ITGB6: variants seen among roughly 807,000 people sequenced by gnomAD.
The protein encoded by ITGB6 is integrin subunit beta 6.
Under a neutral mutation model 84.5 loss-of-function variants are expected in ITGB6, and 80 were observed. The observed-to-expected ratio is 0.95, with a 90% CI of 0.79 to 1.14. The LOEUF (loss-of-function observed/expected upper bound fraction) is 1.14, where lower values mean the gene tolerates loss of function less well. Ranked by LOEUF, ITGB6 falls within the 50% of genes most tolerant of loss-of-function variation. The pLI is 0.00. For missense variants in ITGB6, 1,006 were observed against 968.0 expected, an observed-to-expected ratio of 1.04 and a Z score of -0.52; for synonymous variants, 383 against 354.9, an observed-to-expected ratio of 1.08 and a Z score of -0.89.
chr2:160,125,844 A>C (rs1683216606), intron 11 of ITGB6, among the ~76,000 whole-genome samples: 1 of 152,194 alleles, frequency 6.6e-6, no homozygotes, highest in Admixed American at 6.5e-5. Context: ...TATAATGGCA[A>C]CCAAAGAAAG....
chr2:160,156,495 G>A (rs1684628267), intron 7 of ITGB6, among the ~76,000 whole-genome samples: 1 of 152,160 alleles, frequency 6.6e-6, no homozygotes, highest in Admixed American at 6.5e-5. Flanking sequence ...GAATGCATGG[G>A]GGAGTGGACC....
intron 7 of ITGB6, among the ~76,000 whole-genome samples, chr2:160,156,670 T>TTATTTAGGTACCATCATTATTC (rs1684634398): frequency 6.6e-6 from 1 of 152,196 alleles, no homozygotes; most frequent in African/African-American, 2.4e-5. Flanking sequence ...AGAAGTTCTA[T>TTATTTAGGTACCATCATTATTC]TATTTAGGTA....
chr2:160,123,902 C>G lies in ITGB6; in HGVS notation c.1884-14G>C, dbSNP rs1461595826. Reference sequence around the variant, plus strand: ...TCAATGCAGCTCCTGTGGACAGTATCCAACAGTGTATCAGTTCATGCTGGT... The same window carrying G: ...TCAATGCAGCTCCTGTGGACAGTATGCAACAGTGTATCAGTTCATGCTGGT... On this transcript the variant is annotated splice_polypyrimidine_tract_variant and intron_variant, in intron 11 of 14. Transcript: ENST00000283249. 6.3e-7 allele frequency: 1 copy of G among 1,593,428 alleles called. No homozygotes were observed. Among genetic ancestry groups the G allele is most frequent in the African/African-American group, 1.3e-5 (1 of 74,446 alleles).
chr2:160,103,878 T>C (rs1378683425), intron 14 of ITGB6, among the ~76,000 whole-genome samples: 2 of 152,160 alleles, frequency 1.3e-5, no homozygotes, highest in Admixed American at 1.3e-4. Flanking sequence ...TAGGACCAGA[T>C]ACTTGTTTGT....
At position 160,155,985 on chromosome 2, in the gene ITGB6, T is replaced by C. The variant is rs142678493; in HGVS notation, c.1017+13227A>G. On this transcript the variant is annotated intron_variant, in intron 7 of 14. Transcript: ENST00000283249. ...AATTGGTACAACTATTTTGGAAAACTAGTTAGCAGTATCTACTAAAGCTGA... is the reference window on the plus strand; with the variant it reads ...AATTGGTACAACTATTTTGGAAAACCAGTTAGCAGTATCTACTAAAGCTGA... Among the ~76,000 whole-genome samples the C allele has an allele frequency of 2.9e-3, 437 of 152,330 alleles. 1 individual carries two copies. Among genetic ancestry groups the C allele is most frequent in the Non-Finnish European group, 5.0e-3 (339 of 68,044 alleles).
At chr2:160,175,347 C>T (rs188496636) in intron 4 of ITGB6, among the ~76,000 whole-genome samples, 63 of 152,230 alleles carry the variant, frequency 4.1e-4, no homozygotes, top group African/African-American at 1.4e-3. Context: ...TAATACTTGC[C>T]GTGTTTTCTG....
chr2:160,142,620 G>A (rs1684041240), intron 7 of ITGB6, among the ~76,000 whole-genome samples: 1 of 152,178 alleles, frequency 6.6e-6, no homozygotes, highest in African/African-American at 2.4e-5. Context: ...TCCCTTTCAG[G>A]ATGCTAGCAC....
chr2:160,123,048 A>T lies in ITGB6; in HGVS notation c.1981+743T>A, dbSNP rs552830197. 4.1e-4 allele frequency among the ~76,000 whole-genome samples: 62 copies of T among 152,352 alleles called. 1 individual carries two copies. The highest frequency in any genetic ancestry group is 4.7e-4 in the Non-Finnish European group (32 of 68,024). On this transcript the variant is annotated intron_variant, in intron 12 of 14. Transcript: ENST00000283249. ...CCAGGTTGTCTCTGTTGGAAGAGTC[A>T]GTCATCATCTTTGTTTTAAAGTCCA...
intron 7 of ITGB6, among the ~76,000 whole-genome samples, chr2:160,151,728 G>A (rs1684424561): frequency 3.3e-5 from 5 of 151,070 alleles, no homozygotes; most frequent in Admixed American, 3.3e-4. Flanking sequence ...AAAGAGAGAA[G>A]AATAAAATAG....
Position 160,101,606 on chromosome 2 carries a change from T to C in ITGB6, c.*130A>G. 3 of 666,608 alleles carry C rather than the reference T, an allele frequency of 4.5e-6. No individual in the cohort carries two copies. The highest frequency in any genetic ancestry group is 8.1e-6 in the Non-Finnish European group (3 of 371,928). The allele number at this position is 666,608 out of a possible 1,614,324, so 41.3% of individuals were successfully genotyped here. On this transcript the variant is annotated 3_prime_UTR_variant, in exon 15 of 15. Transcript: ENST00000283249. The stretch of plus-strand genomic sequence containing the variant: ...CAGTCTGTCACCTTCATGTAGAGGA[T>C]GACTTATCTGCAGATGTCCTATTAT...
chr2:160,117,092 T>C (rs1349856046), intron 12 of ITGB6, among the ~76,000 whole-genome samples: 1 of 151,110 alleles, frequency 6.6e-6, no homozygotes, highest in East Asian at 1.9e-4. Context: ...ACTGTCAACA[T>C]TAGACAGATC....
rs756308079 is a variant in ITGB6 at position 160,200,066 on chromosome 2, G to T, written c.-3C>A. 6 of 1,613,272 alleles carry T rather than the reference G, an allele frequency of 3.7e-6. No individual in the cohort carries two copies. Among genetic ancestry groups the T allele is most frequent in the Middle Eastern group, 1.6e-4 (1 of 6,080 alleles). On this transcript the variant is annotated 5_prime_UTR_variant, in exon 1 of 15. Coordinates refer to ENST00000283249, the MANE Select transcript of ITGB6 (RefSeq NM_000888.5). ...AGGCAAAGCAGTTCAATCCCCATTC[G>T]TTTCAGTTCTTGCTGTGCAGACCGA...
At chr2:160,139,407 T>G (rs1171009096) in intron 8 of ITGB6, among the ~76,000 whole-genome samples, 1 of 152,122 alleles carries the variant, frequency 6.6e-6, no homozygotes, top group Non-Finnish European at 1.5e-5. Context: ...AGAAATGAGA[T>G]GCTTTGATAC....
intron 7 of ITGB6, among the ~76,000 whole-genome samples, chr2:160,148,796 C>T (rs1484032686): frequency 6.6e-6 from 1 of 152,258 alleles, no homozygotes; most frequent in Non-Finnish European, 1.5e-5. Flanking sequence ...AAGTGATTCT[C>T]TCCCGTACCT....
intron 7 of ITGB6, among the ~76,000 whole-genome samples, chr2:160,144,814 A>T (rs551096227): frequency 1.3e-5 from 2 of 152,214 alleles, no homozygotes; most frequent in African/African-American, 4.8e-5. Context: ...GGCTATTAGG[A>T]CAAGTGGTTA....
intron 7 of ITGB6, among the ~76,000 whole-genome samples, chr2:160,143,908 A>G (rs376818959): frequency 6.6e-6 from 1 of 152,188 alleles, no homozygotes; most frequent in Non-Finnish European, 1.5e-5. Flanking sequence ...GGTGAGTCCA[A>G]GCTTTCTACA....
intron 10 of ITGB6, among the ~76,000 whole-genome samples, chr2:160,132,673 A>G (rs2105810068): frequency 1.3e-5 from 2 of 152,320 alleles, no homozygotes; most frequent in South Asian, 4.1e-4. Flanking sequence ...ACTGTTTAAG[A>G]GTATATGAAC....
chr2:160,147,747 C>T (rs181259078), intron 7 of ITGB6, among the ~76,000 whole-genome samples: 2 of 152,054 alleles, frequency 1.3e-5, no homozygotes, highest in Non-Finnish European at 1.5e-5. Context: ...TTTCAACAAA[C>T]GGTGCTTGAA....
In ITGB6 at chr2:160,101,588, T is replaced by C. The variant is rs890994927; in HGVS notation, c.*148A>G. On this transcript the variant is annotated 3_prime_UTR_variant, in exon 15 of 15. Coordinates refer to ENST00000283249, the MANE Select transcript of ITGB6 (RefSeq NM_000888.5). Reference sequence around the variant, plus strand: ...TTATTTTGAAACTGCCAACAGTCTGTCACCTTCATGTAGAGGATGACTTAT... The same window carrying C: ...TTATTTTGAAACTGCCAACAGTCTGCCACCTTCATGTAGAGGATGACTTAT... The C allele has an allele frequency of 1.5e-6, 1 of 645,200 alleles. No individual in the cohort carries two copies. Among genetic ancestry groups the C allele is most frequent in the Non-Finnish European group, 2.8e-6 (1 of 362,416 alleles). 40.0% of individuals were successfully genotyped at this position (645,200 alleles called of 1,614,324 possible). A position where few individuals can be genotyped will look rare whatever the true frequency, so the allele number is the denominator to read the frequency against.
Sources: allele counts gnomAD v4.1 joint callset (sites outside exome capture counted in the v4.1 genomes callset), GRCh38; gene constraint gnomAD v4.1.1; transcripts MANE v1.5; gene names NCBI Gene and HGNC (gene_info 2026-07-23, HGNC 2026-07-21).